The following KCNH5 variants were observed in gnomAD, a reference collection of about 807,000 sequenced individuals.
KCNH5 encodes potassium voltage-gated channel subfamily H member 5.
Under a neutral mutation model 96.1 loss-of-function variants are expected in KCNH5, and 46 were observed. That is an observed-to-expected ratio of 0.48 (90% CI 0.38 to 0.61). The LOEUF is 0.61. Among genes scored for constraint, KCNH5 ranks in the 20% least tolerant of loss-of-function variants. KCNH5 has a pLI of 0.00. For synonymous variants in KCNH5, 439 were observed against 449.8 expected (o/e 0.98, Z 0.30); for missense variants, 907 against 1,225.8 (o/e 0.74, Z 3.88).
At chr14:62,786,746 G>T in intron 9 of KCNH5, among the ~76,000 whole-genome samples, 1 of 152,060 alleles carries the variant, frequency 6.6e-6, no homozygotes, top group Non-Finnish European at 1.5e-5. Context: ...AATTCTCACA[G>T]TATTTCTAAT....
intron 6 of KCNH5, among the ~76,000 whole-genome samples, chr14:62,964,840 G>C (rs1312852285): frequency 1.3e-5 from 2 of 152,126 alleles, no homozygotes; most frequent in African/African-American, 4.8e-5. Context: ...ATGATTAGAT[G>C]ACCTAATCAT....
chr14:62,806,387 G>A (rs1281130666), intron 8 of KCNH5, among the ~76,000 whole-genome samples: 2 of 152,058 alleles, frequency 1.3e-5, no homozygotes, highest in Admixed American at 1.3e-4. Flanking sequence ...ACCCTCTCTT[G>A]GGGTCTGGAT....
At chr14:62,943,935 T>C (rs1889838532) in intron 7 of KCNH5, among the ~76,000 whole-genome samples, 1 of 151,942 alleles carries the variant, frequency 6.6e-6, no homozygotes, top group Admixed American at 6.6e-5. Flanking sequence ...GAACAAAGGA[T>C]TTAAGTCTAA....
chr14:62,980,978 G>C lies in KCNH5; in HGVS notation c.836C>G (p.Ser279Cys). ...GTTCATCCTTATGAGCTTAGGGTCAGAAATGACCTCTCCACCGGGCCCCAC... is the reference window on the plus strand; with the variant it reads ...GTTCATCCTTATGAGCTTAGGGTCACAAATGACCTCTCCACCGGGCCCCAC... ...TFVGPGGEVI[S>C]DPKLIRMNYL... The change falls in exon 6 of 11, where the codon TCT becomes TGT. Residue 279 changes from serine to cysteine, a missense_variant. By Grantham distance (112) the Ser-to-Cys change is moderately radical (BLOSUM62 -1). This residue lies in a region of KCNH5 where 370 missense variants were observed against 561.3 expected (regional missense o/e 0.66). Coordinates refer to ENST00000322893, the MANE Select transcript of KCNH5 (RefSeq NM_139318.5). 1 of 1,614,088 alleles carries C rather than the reference G, an allele frequency of 6.2e-7. No individual in the cohort carries two copies. The highest frequency in any genetic ancestry group is 8.5e-7 in the Non-Finnish European group (1 of 1,180,012).
chr14:62,814,756 C>G (rs974092577), intron 8 of KCNH5, among the ~76,000 whole-genome samples: 1 of 116,168 alleles, frequency 8.6e-6, no homozygotes, highest in Non-Finnish European at 1.6e-5. Context: ...GCACTCCAGC[C>G]TGGGCGACAA....
intron 6 of KCNH5, among the ~76,000 whole-genome samples, chr14:62,960,551 G>A (rs1890187974): frequency 6.6e-6 from 1 of 152,102 alleles, no homozygotes; most frequent in Admixed American, 6.6e-5. Flanking sequence ...CAACTGGATA[G>A]AAACCACAAA....
intron 7 of KCNH5, among the ~76,000 whole-genome samples, chr14:62,937,615 A>C (rs1889710298): frequency 6.6e-6 from 1 of 152,202 alleles, no homozygotes; most frequent in Non-Finnish European, 1.5e-5. Flanking sequence ...AGGTTTCGGA[A>C]AGGAGGAGAA....
At position 62,699,476 on chromosome 14, in the gene KCNH5, C is replaced by T. The variant is rs1884312856; in HGVS notation, c.*8032G>A. 6.6e-6 allele frequency: 1 copy of T among 151,990 alleles called. No individual in the cohort carries two copies. Among genetic ancestry groups the T allele is most frequent in the Admixed American group, 6.6e-5 (1 of 15,250 alleles). 9.4% of individuals were successfully genotyped at this position (151,990 alleles called of 1,614,324 possible). ...CAATTCAAATTAATTCCATAAAATGCACATTTTATTCTGTATCATGAAAAA... is the reference window on the plus strand; with the variant it reads ...CAATTCAAATTAATTCCATAAAATGTACATTTTATTCTGTATCATGAAAAA... On this transcript the variant is annotated 3_prime_UTR_variant, in exon 11 of 11. Transcript: ENST00000322893.
chr14:62,856,736 G>A (rs1887937563), intron 7 of KCNH5, among the ~76,000 whole-genome samples: 1 of 151,816 alleles, frequency 6.6e-6, no homozygotes, highest in Non-Finnish European at 1.5e-5. Context: ...ACCCATATAT[G>A]TAGGCACCCT....
intron 10 of KCNH5, among the ~76,000 whole-genome samples, chr14:62,758,559 G>A (rs1260548529): frequency 2.0e-5 from 3 of 152,132 alleles, no homozygotes; most frequent in Non-Finnish European, 2.9e-5. Flanking sequence ...CACCAGAAAG[G>A]GAAGCAGCAC....
intron 7 of KCNH5, among the ~76,000 whole-genome samples, chr14:62,928,164 G>C (rs1889510771): frequency 6.6e-6 from 1 of 152,114 alleles, no homozygotes; most frequent in Non-Finnish European, 1.5e-5. Flanking sequence ...ACAAGATTTA[G>C]AATGGATAAG....
intron 7 of KCNH5, among the ~76,000 whole-genome samples, chr14:62,868,889 G>A (rs1032407538): frequency 2.0e-5 from 3 of 152,166 alleles, no homozygotes; most frequent in Admixed American, 6.5e-5. Flanking sequence ...TGGCTGCATA[G>A]TATTCCATGA....
chr14:62,793,978 T>C (rs1886487708), intron 9 of KCNH5, among the ~76,000 whole-genome samples: 3 of 152,004 alleles, frequency 2.0e-5, no homozygotes, highest in Non-Finnish European at 4.4e-5. Flanking sequence ...GACTCTGAAC[T>C]CTTCCATAAC....
intron 8 of KCNH5, among the ~76,000 whole-genome samples, chr14:62,810,721 C>T (rs1886856456): frequency 1.3e-5 from 2 of 151,994 alleles, no homozygotes; most frequent in South Asian, 2.1e-4. Context: ...TAATCCACCC[C>T]TTGTTTAGAA....
At chr14:62,753,762 A>G (rs1566649665) in intron 10 of KCNH5, among the ~76,000 whole-genome samples, 1 of 152,172 alleles carries the variant, frequency 6.6e-6, no homozygotes, top group Non-Finnish European at 1.5e-5. Flanking sequence ...CTTCAAACAT[A>G]CAGGAAAGAT....
intron 7 of KCNH5, among the ~76,000 whole-genome samples, chr14:62,852,604 T>C (rs1026276290): frequency 7.9e-5 from 12 of 152,120 alleles, no homozygotes; most frequent in Non-Finnish European, 7.4e-5. Flanking sequence ...CTTTTTTTTT[T>C]TGGCCAGTTT....
chr14:63,020,598 T>C (rs1238868428), intron 1 of KCNH5, among the ~76,000 whole-genome samples: 1 of 152,098 alleles, frequency 6.6e-6, no homozygotes, highest in East Asian at 1.9e-4. Context: ...AAAACTAATA[T>C]TATATGATGA....
chr14:62,943,529 C>A (rs1035143462), intron 7 of KCNH5, among the ~76,000 whole-genome samples: 1 of 152,108 alleles, frequency 6.6e-6, no homozygotes, highest in African/African-American at 2.4e-5. Context: ...TAAGTATTTA[C>A]CAAGCAAATT....
intron 10 of KCNH5, among the ~76,000 whole-genome samples, chr14:62,753,578 G>T (rs887059311): frequency 2.6e-5 from 4 of 152,248 alleles, no homozygotes; most frequent in Middle Eastern, 3.4e-3. Context: ...GTAAAGAAAG[G>T]TTCCTAAAAG....
Sources: allele counts gnomAD v4.1 joint callset (sites outside exome capture counted in the v4.1 genomes callset), GRCh38; gene constraint gnomAD v4.1.1; regional missense constraint gnomAD v4.1.1; transcripts MANE v1.5; gene names NCBI Gene and HGNC (gene_info 2026-07-23, HGNC 2026-07-21).